Variants in TRIM42 observed in about 807,000 individuals in gnomAD.
TRIM42 encodes the protein tripartite motif-containing protein 42.
A neutral mutation model predicts 64.9 loss-of-function variants in TRIM42; 59 were observed. That is an observed-to-expected ratio of 0.91 (90% CI 0.74 to 1.13). TRIM42 has a LOEUF of 1.13. TRIM42 is among the 50% of genes most tolerant of loss of function. The pLI, the probability that TRIM42 is intolerant of heterozygous loss-of-function variation, is 0.00. For missense variants in TRIM42, 878 were observed against 929.5 expected (o/e 0.94, Z 0.72); for synonymous variants, 354 against 346.3 (o/e 1.02, Z -0.25).
In TRIM42 at chr3:140,692,562, C is replaced by CACACACACACACACACAGAGAG. The variant is rs375439126; in HGVS notation, c.2085+1371_2085+1372insCACACACACACACACAGAGAGA. 1.2e-3 allele frequency among the ~76,000 whole-genome samples: 142 copies of CACACACACACACACACAGAGAG among 114,178 alleles called. 1 individual carries two copies. The highest frequency in any genetic ancestry group is 3.7e-3 in the African/African-American group (125 of 34,122). 74.9% of individuals were successfully genotyped at this position (114,178 alleles called of 152,430 possible). A position where few individuals can be genotyped will look rare whatever the true frequency, so the allele number is the denominator to read the frequency against. On this transcript the variant is annotated intron_variant, in intron 4 of 4. Transcript: ENST00000286349. ...ACACACACACACACACACACACACA[C>CACACACACACACACACAGAGAG]AGAGAGAGATAGAGAGAGAGAGAGA...
At chr3:140,690,568 T>C (rs1988680392) in intron 3 of TRIM42, among the ~76,000 whole-genome samples, 1 of 135,890 alleles carries the variant, frequency 7.4e-6, no homozygotes, top group African/African-American at 2.7e-5. Flanking sequence ...TATATATATA[T>C]ATATATATAT....
rs753935074 is a variant in TRIM42 at position 140,683,120 on chromosome 3, G to A, written c.1000G>A (p.Ala334Thr). 6.2e-7 allele frequency: 1 copy of A among 1,614,176 alleles called. No individual in the cohort carries two copies. The highest frequency in any genetic ancestry group is 8.5e-7 in the Non-Finnish European group (1 of 1,180,020). Residue 334 changes from alanine to threonine, a missense_variant, in exon 2 of 5, where the codon GCC becomes ACC. By Grantham distance (58) the Ala-to-Thr change is moderately conservative. Transcript: ENST00000286349. ...CCTCATCGACGCCTGCTCCGAGAGG[G>A]CCGCCTCACTCTTCAGCGCCATCGC... ...ISLIDACSER[A>T]ASLFSAIAKF...
intron 1 of TRIM42, among the ~76,000 whole-genome samples, chr3:140,680,054 C>A (rs1988333232): frequency 6.6e-6 from 1 of 152,096 alleles, no homozygotes; most frequent in Non-Finnish European, 1.5e-5. Context: ...GGTGCAAGAA[C>A]AGGCCTGATT....
Position 140,700,931 on chromosome 3 carries a change from G to C in TRIM42, c.2129G>C (p.Gly710Ala). The C allele has an allele frequency of 1.2e-6, 2 of 1,614,114 alleles. No individual in the cohort carries two copies. The highest frequency in any genetic ancestry group is 1.7e-6 in the Non-Finnish European group (2 of 1,179,960). ...DGHGKNRAKW[G>A]LLKNIQSALQ... ...CATGGGAAGAACCGAGCTAAGTGGG[G>C]CCTGCTGAAGAATATCCAGTCTGCC... The change falls in exon 5 of 5, where the codon GGC (glycine) becomes GCC (alanine). Residue 710 changes from glycine to alanine, a missense_variant. Coordinates refer to ENST00000286349, the MANE Select transcript of TRIM42 (RefSeq NM_152616.5).
chr3:140,682,588 A>C lies in TRIM42; in HGVS notation c.468A>C (p.Ser156=), dbSNP rs1344438451. 1.3e-5 allele frequency: 21 copies of C among 1,614,172 alleles called. No homozygotes were observed. The highest frequency in any genetic ancestry group is 1.8e-5 in the Non-Finnish European group (21 of 1,180,026). The change falls in exon 2 of 5, where the codon TCA becomes TCC. Residue 156 remains serine (S), a synonymous_variant. Coordinates refer to ENST00000286349, the MANE Select transcript of TRIM42 (RefSeq NM_152616.5). ...TGTGCAGCCGGCTGCGCCTGCACTCATTCATGCTGCCCTGCAACCACAGCC... is the reference window on the plus strand; with the variant it reads ...TGTGCAGCCGGCTGCGCCTGCACTCCTTCATGCTGCCCTGCAACCACAGCC... The part of the protein sequence containing the change: ...CPMCSRLRLH[S]FMLPCNHSLC...
At chr3:140,691,904 C>T (rs1231287758) in intron 4 of TRIM42, among the ~76,000 whole-genome samples, 1 of 151,930 alleles carries the variant, frequency 6.6e-6, no homozygotes. Context: ...TGCTATCTTA[C>T]CATATAACCA....
intron 4 of TRIM42, among the ~76,000 whole-genome samples, chr3:140,696,267 A>C (rs1988843432): frequency 6.6e-6 from 1 of 152,216 alleles, no homozygotes. Flanking sequence ...AATTTACACA[A>C]TTAGCATTGT....
chr3:140,697,762 C>T (rs922543811), intron 4 of TRIM42, among the ~76,000 whole-genome samples: 1 of 152,238 alleles, frequency 6.6e-6, no homozygotes, highest in Admixed American at 6.5e-5. Context: ...CGGCTCACTG[C>T]AAGCTCCGCC....
chr3:140,686,185 G>T (rs1238913313), intron 2 of TRIM42, among the ~76,000 whole-genome samples: 1 of 152,132 alleles, frequency 6.6e-6, no homozygotes, highest in African/African-American at 2.4e-5. Flanking sequence ...TCCTATCCAA[G>T]TATCTTTAAC....
intron 2 of TRIM42, among the ~76,000 whole-genome samples, chr3:140,684,004 C>G (rs926283047): frequency 2.0e-5 from 3 of 152,044 alleles, no homozygotes; most frequent in African/African-American, 7.2e-5. Context: ...AACAAAGAGC[C>G]CCATAATTTC....
Position 140,683,158 on chromosome 3 carries a change from A to G in TRIM42, c.1038A>G (p.Ala346=). ...TCAGCGCCATCGCCAAGTTCAAAGC[A>G]GGTCCTCCCCTTTTCCACTCCTTCA... ...SLFSAIAKFK[A]VRYEIDNDLM... The change falls in exon 2 of 5, where the codon GCA becomes GCG. Residue 346 remains alanine (A), a splice_region_variant and synonymous_variant. Coordinates refer to ENST00000286349, the MANE Select transcript of TRIM42 (RefSeq NM_152616.5). 6.2e-7 allele frequency: 1 copy of G among 1,613,770 alleles called. No individual in the cohort carries two copies. Among genetic ancestry groups the G allele is most frequent in the Non-Finnish European group, 8.5e-7 (1 of 1,179,664 alleles).
At chr3:140,692,040 AG>A (rs1988728758) in intron 4 of TRIM42, among the ~76,000 whole-genome samples, 1 of 152,144 alleles carries the variant, frequency 6.6e-6, no homozygotes, top group Non-Finnish European at 1.5e-5. Context: ...AGATACAGGA[AG>A]TCTCATGAGA....
At chr3:140,683,931 C>A (rs1988484592) in intron 2 of TRIM42, among the ~76,000 whole-genome samples, 1 of 152,152 alleles carries the variant, frequency 6.6e-6, no homozygotes, top group Non-Finnish European at 1.5e-5. Flanking sequence ...CAGGATTCAG[C>A]AAAGAGCCCA....
At chr3:140,693,973 G>T (rs997248365) in intron 4 of TRIM42, among the ~76,000 whole-genome samples, 2 of 152,154 alleles carry the variant, frequency 1.3e-5, no homozygotes, top group Admixed American at 6.5e-5. Flanking sequence ...GAAAAATGAG[G>T]CTGTAAGAAG....
In TRIM42 at chr3:140,683,118, G is replaced by A. The variant is rs1988458311; in HGVS notation, c.998G>A (p.Arg333Lys). The A allele has an allele frequency of 6.2e-7, 1 of 1,614,196 alleles. No individual in the cohort carries two copies. Among genetic ancestry groups the A allele is most frequent in the Non-Finnish European group, 8.5e-7 (1 of 1,180,040 alleles). The change falls in exon 2 of 5, where the codon AGG (arginine) becomes AAG (lysine). Residue 333 changes from arginine (R) to lysine (K), a missense_variant. Physicochemically the swap from Arg to Lys is conservative, Grantham distance 26. Transcript: ENST00000286349. ...AGCCTCATCGACGCCTGCTCCGAGAGGGCCGCCTCACTCTTCAGCGCCATC... is the reference window on the plus strand; with the variant it reads ...AGCCTCATCGACGCCTGCTCCGAGAAGGCCGCCTCACTCTTCAGCGCCATC... ...TISLIDACSE[R>K]AASLFSAIAK... is the part of the protein sequence containing the mutation.
Position 140,688,456 on chromosome 3 carries a change from A to G in TRIM42, c.1774A>G (p.Asn592Asp). 6.2e-7 allele frequency: 1 copy of G among 1,614,154 alleles called. No individual in the cohort carries two copies. Among genetic ancestry groups the G allele is most frequent in the Non-Finnish European group, 8.5e-7 (1 of 1,180,022 alleles). ...TGTACAGAACAGCAGCAGCTTCCAC[A>G]ACTGGTACTCATTCAACGATGGCTC... ...QSVQNSSSFHNWYSFNDGSVK... is the reference protein window; with the variant it reads ...QSVQNSSSFHDWYSFNDGSVK... Residue 592 changes from asparagine (N) to aspartate (D), a missense_variant, in exon 3 of 5, where the codon AAC becomes GAC. By Grantham distance (23) the Asn-to-Asp change is conservative. Transcript: ENST00000286349.
chr3:140,684,462 T>G (rs1222961472), intron 2 of TRIM42, among the ~76,000 whole-genome samples: 1 of 152,122 alleles, frequency 6.6e-6, no homozygotes, highest in Admixed American at 6.5e-5. Context: ...GATCTGTTAG[T>G]CTCCATCATT....
chr3:140,683,292 C>G, intron 2 of TRIM42, 133 bp downstream of exon 2: 1 of 907,040 alleles, frequency 1.1e-6, no homozygotes, highest in Admixed American at 2.4e-5. Context: ...CCAGGAAACA[C>G]TGTGCTACCC....
rs1327508840 is a variant in TRIM42, at chr3:140,678,277, A to C, written c.48A>C (p.Arg16Ser). The C allele has an allele frequency of 1.2e-6, 2 of 1,614,162 alleles. No individual in the cohort carries two copies. Among genetic ancestry groups the C allele is most frequent in the South Asian group, 2.2e-5 (2 of 91,084 alleles). The stretch of plus-strand genomic sequence containing the variant: ...GCTGTCCATGTTGTACATGGCAGAG[A>C]TGTTGTCCTCAGTTATGCTCCTGTC... ...CVCCPCCTWQ[R>S]CCPQLCSCLC... Residue 16 changes from arginine (R) to serine (S), a missense_variant, in exon 1 of 5, where the codon AGA becomes AGC. Physicochemically the swap from Arg to Ser is moderately radical, Grantham distance 110. Transcript: ENST00000286349.
Sources: allele counts gnomAD v4.1 joint callset (sites outside exome capture counted in the v4.1 genomes callset), GRCh38; gene constraint gnomAD v4.1.1; transcripts MANE v1.5; gene names NCBI Gene and HGNC (gene_info 2026-07-23, HGNC 2026-07-21).